The following CBLN2 variants were observed in gnomAD, a reference collection of about 807,000 sequenced individuals.
The protein encoded by CBLN2 is cerebellin 2 precursor.
Under a neutral mutation model 15.0 loss-of-function variants are expected in CBLN2, and 7 were observed. The ratio of observed to expected loss-of-function variants is 0.47; its 90% confidence interval spans 0.27 to 0.88. The LOEUF is 0.88. Ranked by LOEUF, CBLN2 falls within the 40% of genes least tolerant of loss-of-function variation. The probability of loss-of-function intolerance (pLI) is 0.14; values close to 1 mark genes in which losing one functional copy is unlikely to be tolerated. For missense variants in CBLN2, 242 were observed against 304.5 expected (o/e 0.79, Z 1.53); for synonymous variants, 149 against 135.2 (o/e 1.10, Z -0.71).
At chr18:72,625,826 A>C (rs1160492514) in intron 1 of CBLN2, among the ~76,000 whole-genome samples, 38 of 132,746 alleles carry the variant, frequency 2.9e-4, no homozygotes, top group East Asian at 1.2e-3. Context: ...CTCTATATAT[A>C]TATATATATA....
chr18:72,568,212 GT>G (rs1467943029), intron 1 of CBLN2, among the ~76,000 whole-genome samples: 3 of 152,170 alleles, frequency 2.0e-5, no homozygotes, highest in African/African-American at 7.2e-5. Context: ...TGGCTCCAGG[GT>G]TAAAACGAAT....
At chr18:72,579,551 T>C (rs2069389470) in intron 1 of CBLN2, among the ~76,000 whole-genome samples, 2 of 151,996 alleles carry the variant, frequency 1.3e-5, no homozygotes. Context: ...GTCAACATGG[T>C]GAAACCCCCA....
At chr18:72,625,698 C>CTATATATATATA (rs1169851043) in intron 1 of CBLN2, among the ~76,000 whole-genome samples, 6 of 46,592 alleles carry the variant, frequency 1.3e-4, no homozygotes, top group South Asian at 2.2e-3. Flanking sequence ...TATAGTATTA[C>CTATATATATATA]TATATATATA....
At chr18:72,560,084 A>G (rs1320129223) in intron 1 of CBLN2, among the ~76,000 whole-genome samples, 3 of 152,104 alleles carry the variant, frequency 2.0e-5, no homozygotes, top group Admixed American at 2.0e-4. Flanking sequence ...TGAGCTCCCA[A>G]TTTTTCACTG....
intron 1 of CBLN2, among the ~76,000 whole-genome samples, chr18:72,601,617 G>A (rs2069548775): frequency 6.6e-6 from 1 of 152,134 alleles, no homozygotes; most frequent in African/African-American, 2.4e-5. Flanking sequence ...ACCAGGGCGT[G>A]GGCCGTGAGA....
intron 1 of CBLN2, among the ~76,000 whole-genome samples, chr18:72,599,690 A>T (rs2069535636): frequency 6.6e-6 from 1 of 152,228 alleles, no homozygotes; most frequent in African/African-American, 2.4e-5. Context: ...ACAGCATAAG[A>T]TACTGGAAAA....
intron 1 of CBLN2, among the ~76,000 whole-genome samples, chr18:72,602,630 C>G (rs1021817495): frequency 6.6e-6 from 1 of 152,048 alleles, no homozygotes; most frequent in African/African-American, 2.4e-5. Context: ...TTGAAGCCCA[C>G]GTTCAGTTTA....
intron 1 of CBLN2, among the ~76,000 whole-genome samples, chr18:72,601,865 T>G (rs2069550657): frequency 6.6e-6 from 1 of 152,240 alleles, no homozygotes; most frequent in South Asian, 2.1e-4. Flanking sequence ...GAGCTGCTTC[T>G]GTTCCATTCC....
Position 72,596,364 on chromosome 18 carries a change from AT to A in CBLN2, c.15+41960del, listed in dbSNP as rs542891672. On this transcript the variant is annotated intron_variant, in intron 1 of 2. Coordinates refer to the CBLN2 transcript ENST00000581073. ...TTAACTTTTTGTTGTTTCTGTTTGTATCTTATTATACTGCCTGTGTTTCAAA... is the reference window on the plus strand; with the variant it reads ...TTAACTTTTTGTTGTTTCTGTTTGTACTTATTATACTGCCTGTGTTTCAAA... 9.9e-5 allele frequency among the ~76,000 whole-genome samples: 15 copies of A among 152,190 alleles called. No homozygotes were observed. In the East Asian group the frequency reaches 1.9e-3, roughly 20 times the overall value.
In CBLN2 at chr18:72,537,226, T is replaced by C. The variant is rs978169258; in HGVS notation, c.*950A>G. The C allele has an allele frequency of 2.0e-5, 3 of 152,198 alleles. No homozygotes were observed. The highest frequency in any genetic ancestry group is 4.4e-5 in the Non-Finnish European group (3 of 68,046). The allele number at this position is 152,198 out of a possible 1,614,324, so 9.4% of individuals were successfully genotyped here. On this transcript the variant is annotated 3_prime_UTR_variant, in exon 5 of 5. Transcript: ENST00000269503. ...AGGACCACTCAGGAACACCAGGTTC[T>C]TAAAGGATTCTGAAGTATAAATTAA... is the stretch of plus-strand genomic sequence containing the variant.
rs1022176541 is a variant in CBLN2, at chr18:72,537,483, G to A, written c.*693C>T. On this transcript the variant is annotated 3_prime_UTR_variant, in exon 5 of 5. Coordinates refer to ENST00000269503, the MANE Select transcript of CBLN2 (RefSeq NM_182511.4). ...AACCCCAGCAAGAAAAATAAAAGTG[G>A]GGTTGAGGAGGGAGAGCTGAGTGTG... 2 of 152,506 alleles carry A rather than the reference G, an allele frequency of 1.3e-5. No homozygotes were observed. Among genetic ancestry groups the A allele is most frequent in the African/African-American group, 4.8e-5 (2 of 41,408 alleles). 9.4% of individuals were successfully genotyped at this position (152,506 alleles called of 1,614,324 possible). A position where few individuals can be genotyped will look rare whatever the true frequency, so the allele number is the denominator to read the frequency against.
intron 1 of CBLN2, among the ~76,000 whole-genome samples, chr18:72,600,933 A>T (rs892627902): frequency 6.6e-6 from 1 of 152,208 alleles, no homozygotes; most frequent in Non-Finnish European, 1.5e-5. Flanking sequence ...CAGAGTCTGC[A>T]GTCATCAGAA....
chr18:72,625,814 CTCTCTA>C lies in CBLN2; in HGVS notation c.15+12505_15+12510del, dbSNP rs1275669883. 6.4e-3 allele frequency among the ~76,000 whole-genome samples: 428 copies of C among 66,542 alleles called. 4 individuals carry two copies. Among genetic ancestry groups the C allele is most frequent in the South Asian group, 0.019 (29 of 1,560 alleles). 43.7% of individuals were successfully genotyped at this position (66,542 alleles called of 152,430 possible). A position where few individuals can be genotyped will look rare whatever the true frequency, so the allele number is the denominator to read the frequency against. On this transcript the variant is annotated intron_variant, in intron 1 of 2. Transcript: ENST00000581073. Reference sequence around the variant, plus strand: ...TCTCTCTCTCTCTCTCTCTCTCTCTCTCTCTATATATATATATATATATATATATAG... The same window carrying C: ...TCTCTCTCTCTCTCTCTCTCTCTCTCTATATATATATATATATATATATAG...
intron 1 of CBLN2, chr18:72,619,156 C>T: frequency 1.3e-6 from 1 of 761,968 alleles, no homozygotes; most frequent in Non-Finnish European, 2.3e-6. Context: ...TTTGCCAAAC[C>T]ACAAAACCAA....
At chr18:72,577,785 G>A (rs559987103) in intron 1 of CBLN2, among the ~76,000 whole-genome samples, 2 of 152,266 alleles carry the variant, frequency 1.3e-5, no homozygotes, top group African/African-American at 4.8e-5. Flanking sequence ...ATTTCAATAT[G>A]TAGACGTAAA....
intron 1 of CBLN2, among the ~76,000 whole-genome samples, chr18:72,637,700 G>A (rs975837295): frequency 6.6e-6 from 1 of 151,906 alleles, no homozygotes; most frequent in African/African-American, 2.4e-5. Flanking sequence ...GTCTACCATC[G>A]ACAGGCACCA....
chr18:72,579,328 T>A (rs771356551), intron 1 of CBLN2, among the ~76,000 whole-genome samples: 17 of 152,208 alleles, frequency 1.1e-4, no homozygotes, highest in Non-Finnish European at 1.6e-4. Context: ...TTAAAATGAT[T>A]TATTTGCTTG....
Position 72,542,018 on chromosome 18 carries a change from G to A in CBLN2, c.143C>T (p.Pro48Leu). The change falls in exon 3 of 5, where the codon CCC becomes CTC. Residue 48 changes from proline (P) to leucine (L), a missense_variant. Transcript: ENST00000269503. Reference sequence around the variant, plus strand: ...CTCCGTGTCGTTCTGCGCCCGCACGGGGCAGCAGGCGGGCAGTAGCAGCAA... The same window carrying A: ...CTCCGTGTCGTTCTGCGCCCGCACGAGGCAGCAGGCGGGCAGTAGCAGCAA... The part of the protein sequence containing the change: ...LLLLLLPACC[P>L]VRAQNDTEPI... 2 of 1,596,816 alleles carry A rather than the reference G, an allele frequency of 1.3e-6. No individual in the cohort carries two copies. Among genetic ancestry groups the A allele is most frequent in the Non-Finnish European group, 1.7e-6 (2 of 1,177,732 alleles).
chr18:72,597,060 C>T (rs764223625), intron 1 of CBLN2, among the ~76,000 whole-genome samples: 2 of 152,128 alleles, frequency 1.3e-5, no homozygotes, highest in South Asian at 2.1e-4. Flanking sequence ...TAGGTTTGCC[C>T]TTTTGAGACT....
Sources: allele counts gnomAD v4.1 joint callset (sites outside exome capture counted in the v4.1 genomes callset), GRCh38; gene constraint gnomAD v4.1.1; transcripts MANE v1.5; gene names NCBI Gene and HGNC (gene_info 2026-07-23, HGNC 2026-07-21).